PDSS2: variants seen among roughly 807,000 people sequenced by gnomAD.
PDSS2 encodes decaprenyl diphosphate synthase subunit 2, also known as all trans-polyprenyl-diphosphate synthase PDSS2.
A neutral mutation model predicts 44.5 loss-of-function variants in PDSS2; 31 were observed. The ratio of observed to expected loss-of-function variants is 0.70; its 90% CI spans 0.52 to 0.94. The LOEUF (loss-of-function observed/expected upper bound fraction) is 0.94. PDSS2 is among the 40% of genes least tolerant of loss of function. The pLI, the probability that PDSS2 is intolerant of heterozygous loss-of-function variation, is 0.00. For missense variants in PDSS2, 452 were observed against 482.2 expected, an observed-to-expected ratio of 0.94 and a Z score of 0.59; for synonymous variants, 157 against 180.3, an observed-to-expected ratio of 0.87 and a Z score of 1.03.
chr6:107,393,241 T>C (rs1031504245), intron 1 of PDSS2, among the ~76,000 whole-genome samples: 1 of 152,158 alleles, frequency 6.6e-6, no homozygotes, highest in Non-Finnish European at 1.5e-5. Context: ...TAATTTTCCA[T>C]AAAATTTCGT....
intron 1 of PDSS2, among the ~76,000 whole-genome samples, chr6:107,408,350 C>T (rs1385976701): frequency 6.6e-6 from 1 of 152,144 alleles, no homozygotes; most frequent in Non-Finnish European, 1.5e-5. Flanking sequence ...TTTAACACTC[C>T]TATACTTATT....
At chr6:107,403,680 C>T (rs1043120608) in intron 1 of PDSS2, among the ~76,000 whole-genome samples, 2 of 152,248 alleles carry the variant, frequency 1.3e-5, no homozygotes, top group African/African-American at 2.4e-5. Context: ...GACTTGCGGC[C>T]TGCACCCTCT....
chr6:107,314,502 G>A (rs1048171485), intron 2 of PDSS2, among the ~76,000 whole-genome samples: 2 of 152,136 alleles, frequency 1.3e-5, no homozygotes, highest in Non-Finnish European at 2.9e-5. Flanking sequence ...GACAATTACA[G>A]TCTCTATCAA....
At chr6:107,364,422 A>ATT (rs1778895415) in intron 1 of PDSS2, among the ~76,000 whole-genome samples, 1 of 152,200 alleles carries the variant, frequency 6.6e-6, no homozygotes, top group Non-Finnish European at 1.5e-5. Context: ...CGAGAAATCG[A>ATT]GCACAGCGCC....
At chr6:107,311,345 T>C (rs1175382095) in intron 2 of PDSS2, among the ~76,000 whole-genome samples, 1 of 152,042 alleles carries the variant, frequency 6.6e-6, no homozygotes, top group Non-Finnish European at 1.5e-5. Flanking sequence ...TAGCTGGGAC[T>C]ACAAGTATGT....
chr6:107,173,572 C>CAAAAAAAAAAAAAAAAA (rs71012783), intron 7 of PDSS2, among the ~76,000 whole-genome samples: 5 of 41,512 alleles, frequency 1.2e-4, no homozygotes, highest in African/African-American at 6.3e-4. Flanking sequence ...GACTCTGTCT[C>CAAAAAAAAAAAAAAAAA]AAAAAAAAAA....
intron 1 of PDSS2, among the ~76,000 whole-genome samples, chr6:107,435,922 A>G (rs1390830571): frequency 6.0e-5 from 9 of 150,198 alleles, no homozygotes; most frequent in Non-Finnish European, 1.5e-5. Flanking sequence ...CATTTGTTGA[A>G]ACGAAGTTAC....
chr6:107,277,679 G>A (rs1011087120), intron 2 of PDSS2, among the ~76,000 whole-genome samples: 8 of 152,242 alleles, frequency 5.3e-5, no homozygotes, highest in Admixed American at 2.0e-4. Flanking sequence ...CAGGCCAGGC[G>A]CGGTGGCTCA....
chr6:107,158,683 A>G (rs1771002623), intron 7 of PDSS2, among the ~76,000 whole-genome samples: 1 of 151,844 alleles, frequency 6.6e-6, no homozygotes, highest in Non-Finnish European at 1.5e-5. Context: ...CCAGATTCAA[A>G]CTCCTATCCT....
chr6:107,206,065 C>T (rs1025778559), intron 6 of PDSS2, among the ~76,000 whole-genome samples: 3 of 152,172 alleles, frequency 2.0e-5, no homozygotes, highest in African/African-American at 7.2e-5. Flanking sequence ...AGTGTTAAAA[C>T]TTGTAAAAGT....
chr6:107,238,618 G>A (rs1294427633), intron 4 of PDSS2, among the ~76,000 whole-genome samples: 1 of 152,146 alleles, frequency 6.6e-6, no homozygotes, highest in Non-Finnish European at 1.5e-5. Context: ...GTTTTTATTA[G>A]GGCTGGTCAT....
Position 107,177,921 on chromosome 6 carries a change from T to G in PDSS2, c.1041+15901A>C, listed in dbSNP as rs538324714. Among the ~76,000 whole-genome samples the G allele has an allele frequency of 2.0e-5, 3 of 152,302 alleles. No homozygotes were observed. The East Asian group carries it at 5.8e-4, about 29-fold the overall frequency. On this transcript the variant is annotated intron_variant, in intron 7 of 7. Transcript: ENST00000369037. ...GCATTCACATCATGTAGGAATCAAA[T>G]AGTCCTGGGGGTATTTGAGGAATAT...
intron 1 of PDSS2, among the ~76,000 whole-genome samples, chr6:107,335,084 G>A (rs776725402): frequency 1.3e-5 from 2 of 151,474 alleles, no homozygotes; most frequent in African/African-American, 2.4e-5. Context: ...CCCAGGGTTG[G>A]GGGGGTGCTG....
chr6:107,286,073 G>A (rs1253136854), intron 2 of PDSS2, among the ~76,000 whole-genome samples: 2 of 144,450 alleles, frequency 1.4e-5, no homozygotes, highest in Non-Finnish European at 3.0e-5. Flanking sequence ...CCAGGAGGCA[G>A]AGGTTGCAGT....
intron 4 of PDSS2, among the ~76,000 whole-genome samples, chr6:107,244,083 G>A (rs181741804): frequency 2.6e-5 from 4 of 152,280 alleles, no homozygotes; most frequent in African/African-American, 9.6e-5. Flanking sequence ...AGCCGAGATC[G>A]TGCCATTGCA....
intron 1 of PDSS2, among the ~76,000 whole-genome samples, chr6:107,425,513 T>C (rs935954853): frequency 4.6e-5 from 7 of 152,154 alleles, no homozygotes; most frequent in African/African-American, 1.4e-4. Context: ...TAGAGACTTG[T>C]GGAACTGTGA....
chr6:107,342,624 C>T (rs1040591234), intron 1 of PDSS2, among the ~76,000 whole-genome samples: 1 of 152,114 alleles, frequency 6.6e-6, no homozygotes, highest in African/African-American at 2.4e-5. Context: ...GAATTGACTG[C>T]TGCATCAGTG....
chr6:107,354,741 C>G (rs1778541600), intron 1 of PDSS2, among the ~76,000 whole-genome samples: 1 of 152,068 alleles, frequency 6.6e-6, no homozygotes, highest in South Asian at 2.1e-4. Flanking sequence ...GATCTATTTT[C>G]CAAGCTAGCT....
chr6:107,413,141 T>C (rs527759283), intron 1 of PDSS2, among the ~76,000 whole-genome samples: 19 of 152,344 alleles, frequency 1.2e-4, no homozygotes, highest in African/African-American at 4.3e-4. Flanking sequence ...TTTCAGAATT[T>C]AGTTTATTAC....
Sources: allele counts gnomAD v4.1 joint callset (sites outside exome capture counted in the v4.1 genomes callset), GRCh38; gene constraint gnomAD v4.1.1; transcripts MANE v1.5; gene names NCBI Gene and HGNC (gene_info 2026-07-23, HGNC 2026-07-21).